KLRG2: variants seen among roughly 807,000 people sequenced by gnomAD.
KLRG2 encodes killer cell lectin-like receptor subfamily G member 2.
In KLRG2, 39 loss-of-function variants were observed where a neutral mutation model predicts 35.4. That is an observed-to-expected ratio of 1.10 (90% CI 0.85 to 1.44). The LOEUF is 1.44. Among genes scored for constraint, KLRG2 ranks in the 40% most tolerant of loss-of-function variants. The probability of loss-of-function intolerance (pLI) is 0.00; values close to 1 mark genes in which losing one functional copy is unlikely to be tolerated. For synonymous variants in KLRG2, 283 were observed against 265.8 expected (o/e 1.06, Z -0.63); for missense variants, 632 against 570.9 (o/e 1.11, Z -1.09).
intron 3 of KLRG2, among the ~76,000 whole-genome samples, chr7:139,455,242 C>T (rs1796451279): frequency 6.6e-6 from 1 of 151,820 alleles, no homozygotes. Flanking sequence ...TGGTCTTGAG[C>T]TCCTGGCCTC....
chr7:139,439,284 C>T, the KLRG2 span, among the ~76,000 whole-genome samples: 22 of 152,290 alleles, frequency 1.4e-4, no homozygotes, highest in African/African-American at 4.1e-4. Flanking sequence ...TGTGTGACTC[C>T]GCTTCTACGA....
At chr7:139,439,891 A>C in the KLRG2 span, among the ~76,000 whole-genome samples, 1 of 152,188 alleles carries the variant, frequency 6.6e-6, no homozygotes, top group East Asian at 1.9e-4. Flanking sequence ...ACAATTAAAA[A>C]AAACCAAAAA....
At chr7:139,431,217 G>A in the KLRG2 span, among the ~76,000 whole-genome samples, 10 of 152,054 alleles carry the variant, frequency 6.6e-5, no homozygotes, top group Non-Finnish European at 1.5e-4. Flanking sequence ...TGGTTTCTAG[G>A]GACAGAAAGC....
At chr7:139,441,682 G>C in the KLRG2 span, among the ~76,000 whole-genome samples, 2 of 152,110 alleles carry the variant, frequency 1.3e-5, no homozygotes, top group South Asian at 4.1e-4. Context: ...TGAGGCAGGA[G>C]GATCCCTTGA....
chr7:139,434,285 TCCCA>T, the KLRG2 span, among the ~76,000 whole-genome samples: 13 of 152,236 alleles, frequency 8.5e-5, no homozygotes, highest in African/African-American at 2.9e-4. Context: ...GCCACAGTTC[TCCCA>T]CCCTTTGCCT....
intron 3 of KLRG2, among the ~76,000 whole-genome samples, chr7:139,473,587 A>G (rs1475963591): frequency 6.6e-6 from 1 of 152,228 alleles, no homozygotes; most frequent in African/African-American, 2.4e-5. Context: ...AAGACAAACA[A>G]TAAACAGAAT....
At chr7:139,463,275 A>G (rs1796599011) in intron 3 of KLRG2, among the ~76,000 whole-genome samples, 1 of 152,160 alleles carries the variant, frequency 6.6e-6, no homozygotes, top group African/African-American at 2.4e-5. Flanking sequence ...CTTAATACGC[A>G]TTTTATTACC....
In KLRG2 at chr7:139,483,137, T is replaced by G. The variant is rs969764906; in HGVS notation, c.506A>C (p.His169Pro). 2.9e-5 allele frequency: 43 copies of G among 1,486,162 alleles called. No homozygotes were observed. Among genetic ancestry groups the G allele is most frequent in the East Asian group, 5.8e-5 (2 of 34,534 alleles). The allele number at this position is 1,486,162 out of a possible 1,614,324, so 92.1% of individuals were successfully genotyped here. The change falls in exon 1 of 5, where the codon CAC becomes CCC. Residue 169 changes from histidine (H) to proline (P), a missense_variant. Physicochemically the swap from His to Pro is moderately conservative, Grantham distance 77. Transcript: ENST00000340940. ...PAFSRHADPA[H>P]QLLLRAPSQG... is the part of the protein sequence containing the mutation. ...GGATGGTGCGCGCAGCAGGAGCTGG[T>G]GCGCCGGGTCCGCGTGGCGGGAGAA...
At chr7:139,442,587 T>C in the KLRG2 span, among the ~76,000 whole-genome samples, 1 of 152,228 alleles carries the variant, frequency 6.6e-6, no homozygotes, top group African/African-American at 2.4e-5. Context: ...GGCTCATGCC[T>C]GTAATCCCAG....
intron 3 of KLRG2, among the ~76,000 whole-genome samples, chr7:139,471,006 A>C (rs932683349): frequency 1.3e-5 from 2 of 151,368 alleles, no homozygotes; most frequent in Admixed American, 6.6e-5. Flanking sequence ...CCACACCTGG[A>C]TAATTTTTGT....
chr7:139,462,403 T>C (rs559886600), intron 3 of KLRG2, among the ~76,000 whole-genome samples: 142 of 151,494 alleles, frequency 9.4e-4, no homozygotes, highest in Non-Finnish European at 1.8e-3. Flanking sequence ...TCTCTCTGTG[T>C]GTCTACCCCT....
intron 3 of KLRG2, among the ~76,000 whole-genome samples, chr7:139,475,771 A>G (rs1796839816): frequency 6.6e-6 from 1 of 152,182 alleles, no homozygotes; most frequent in African/African-American, 2.4e-5. Context: ...GTGGGAGTCC[A>G]AACTTGAAGC....
Position 139,472,794 on chromosome 7 carries a change from A to G in KLRG2, c.1005+6833T>C, listed in dbSNP as rs192021551. 2.0e-3 allele frequency among the ~76,000 whole-genome samples: 303 copies of G among 152,336 alleles called. 2 individuals carry two copies. The highest frequency in any genetic ancestry group is 6.8e-3 in the African/African-American group (284 of 41,580). On this transcript the variant is annotated intron_variant, in intron 3 of 4. Coordinates refer to ENST00000340940, the MANE Select transcript of KLRG2 (RefSeq NM_198508.4). ...TATTAGAGACAACAGGTCCTTCTGAAGGCCAATGTACGGGAAAAAGGACCG... is the reference window on the plus strand; with the variant it reads ...TATTAGAGACAACAGGTCCTTCTGAGGGCCAATGTACGGGAAAAAGGACCG...
At chr7:139,433,127 T>G in the KLRG2 span, among the ~76,000 whole-genome samples, 1 of 152,314 alleles carries the variant, frequency 6.6e-6, no homozygotes, top group South Asian at 2.1e-4. Flanking sequence ...GTTTCTTGGC[T>G]TGCCAACTTG....
chr7:139,447,232 GA>G, the KLRG2 span, among the ~76,000 whole-genome samples: 1 of 152,164 alleles, frequency 6.6e-6, no homozygotes, highest in Non-Finnish European at 1.5e-5. Context: ...AAATGTCTGA[GA>G]AATTTGTTGT....
intron 3 of KLRG2, among the ~76,000 whole-genome samples, chr7:139,468,228 G>A (rs949139646): frequency 2.0e-4 from 30 of 151,896 alleles, no homozygotes; most frequent in Non-Finnish European, 4.0e-4. Flanking sequence ...AGAGGCTGGC[G>A]GGATCCTCTA....
At chr7:139,449,028 C>A (rs891666237), downstream of KLRG2, among the ~76,000 whole-genome samples, 5 of 151,412 alleles carry the variant, frequency 3.3e-5, no homozygotes, top group Non-Finnish European at 7.4e-5. Context: ...ATTGCTTGAA[C>A]CTGGGAGGTG....
intron 3 of KLRG2, among the ~76,000 whole-genome samples, chr7:139,477,769 T>A (rs1274027478): frequency 6.6e-6 from 1 of 152,116 alleles, no homozygotes; most frequent in Non-Finnish European, 1.5e-5. Flanking sequence ...CACAATTTTT[T>A]TTTTTTTGAG....
At chr7:139,429,227 A>G in the KLRG2 span, among the ~76,000 whole-genome samples, 5 of 152,292 alleles carry the variant, frequency 3.3e-5, no homozygotes, top group Non-Finnish European at 5.9e-5. Flanking sequence ...AATTGCTTTA[A>G]TCCTGGAAGT....
Sources: gnomAD v4.1 joint callset for allele counts (sites outside exome capture counted in the v4.1 genomes callset) on GRCh38, gnomAD v4.1.1 for gene constraint, MANE v1.5 for transcripts, NCBI Gene and HGNC (gene_info 2026-07-23, HGNC 2026-07-21) for gene names.